Variants in PCDHA3 observed in about 807,000 individuals in gnomAD.
The protein encoded by PCDHA3 is protocadherin alpha 3.
A neutral mutation model predicts 62.2 loss-of-function variants in PCDHA3; 41 were observed. That is an observed-to-expected ratio of 0.66 (90% CI 0.51 to 0.86). The LOEUF (loss-of-function observed/expected upper bound fraction) is 0.86. Among genes scored for constraint, PCDHA3 ranks in the 40% least tolerant of loss-of-function variants. PCDHA3 has a pLI of 0.00. For missense variants in PCDHA3, 1,304 were observed against 1,241.2 expected (o/e 1.05, Z -0.76); for synonymous variants, 640 against 555.4 (o/e 1.15, Z -2.14).
chr5:140,982,648 G>T, intron 3 of PCDHA3, 85 bp downstream of exon 3: 5 of 1,508,154 alleles, frequency 3.3e-6, no homozygotes, highest in Non-Finnish European at 4.4e-6. Flanking sequence ...GAATGTTGAT[G>T]GCTCTTTTTC....
Position 141,010,120 on chromosome 5 carries a change from C to T in PCDHA3, c.*183C>T, listed in dbSNP as rs1554262685. 6.2e-7 allele frequency: 1 copy of T among 1,607,404 alleles called. No homozygotes were observed. Among genetic ancestry groups the T allele is most frequent in the Admixed American group, 1.7e-5 (1 of 58,482 alleles). ...AACAGGTTTTGTCGTAAAAGCTTTACTAAGTCTGGTGTTAACTCTTTCTCT... is the reference window on the plus strand; with the variant it reads ...AACAGGTTTTGTCGTAAAAGCTTTATTAAGTCTGGTGTTAACTCTTTCTCT... On this transcript the variant is annotated 3_prime_UTR_variant, in exon 4 of 4. Coordinates refer to ENST00000522353, the MANE Select transcript of PCDHA3 (RefSeq NM_018906.3).
chr5:140,830,266 G>T (rs2150183759), intron 1 of PCDHA3: 8 of 1,613,648 alleles, frequency 5.0e-6, no homozygotes, highest in Non-Finnish European at 6.8e-6. Context: ...GGTGCTCGGC[G>T]CCACCCACCG....
intron 1 of PCDHA3, among the ~76,000 whole-genome samples, chr5:140,912,788 A>G (rs1467959281): frequency 6.6e-6 from 1 of 152,104 alleles, no homozygotes; most frequent in East Asian, 1.9e-4. Context: ...CTTCTATGCC[A>G]ATTTTCTTGA....
At chr5:140,966,972 T>G (rs1554229007) in intron 1 of PCDHA3, 1 of 1,602,828 alleles carries the variant, frequency 6.2e-7, no homozygotes, top group African/African-American at 1.3e-5. Flanking sequence ...GGGCTTGAGC[T>G]GCGGCGCTTG....
chr5:140,855,223 T>G lies in PCDHA3; in HGVS notation c.2394+51632T>G, dbSNP rs79371036. 4.7e-3 allele frequency among the ~76,000 whole-genome samples: 698 copies of G among 149,962 alleles called. 54 individuals are homozygous for G. Among genetic ancestry groups the G allele is most frequent in the Non-Finnish European group, 8.3e-3 (557 of 67,056 alleles). ...ATAGTTTCCATTTATGAAGCACTCATTCTCCTTAAGGTACTATTGCAAGCA... is the reference window on the plus strand; with the variant it reads ...ATAGTTTCCATTTATGAAGCACTCAGTCTCCTTAAGGTACTATTGCAAGCA... On this transcript the variant is annotated intron_variant, in intron 1 of 3. Coordinates refer to ENST00000522353, the MANE Select transcript of PCDHA3 (RefSeq NM_018906.3).
chr5:140,899,606 A>G (rs1330407383), intron 1 of PCDHA3, among the ~76,000 whole-genome samples: 1 of 152,168 alleles, frequency 6.6e-6, no homozygotes, highest in Non-Finnish European at 1.5e-5. Flanking sequence ...GGACTTTTGC[A>G]TCAATGTTCA....
intron 1 of PCDHA3, among the ~76,000 whole-genome samples, chr5:140,952,315 G>T (rs2094717881): frequency 6.8e-6 from 1 of 147,138 alleles, no homozygotes; most frequent in Non-Finnish European, 1.5e-5. Context: ...TCCAGCCTGG[G>T]CAACAAGAGT....
intron 1 of PCDHA3, chr5:140,834,482 C>T (rs2150219346): frequency 5.0e-6 from 8 of 1,614,172 alleles, no homozygotes; most frequent in South Asian, 1.1e-5. Context: ...AGCTCCACTA[C>T]TCGGTCCCCG....
At chr5:140,859,201 G>A (rs1356259348) in intron 1 of PCDHA3, 1 of 149,574 alleles carries the variant, frequency 6.7e-6, no homozygotes. Flanking sequence ...ATGATATTCA[G>A]GTATTAGCTC....
intron 1 of PCDHA3, chr5:140,858,461 C>G: frequency 1.3e-6 from 2 of 1,524,640 alleles, no homozygotes; most frequent in Non-Finnish European, 1.8e-6. Flanking sequence ...TTTCATTTTC[C>G]TTTTGTGCTT....
intron 1 of PCDHA3, among the ~76,000 whole-genome samples, chr5:140,960,366 ACT>A (rs2095543381): frequency 6.6e-6 from 1 of 152,188 alleles, no homozygotes; most frequent in Non-Finnish European, 1.5e-5. Flanking sequence ...TAATATGCCA[ACT>A]CTTAAGTGCC....
chr5:140,828,871 A>G, intron 1 of PCDHA3: 1 of 1,614,250 alleles, frequency 6.2e-7, no homozygotes. Flanking sequence ...ACGGAACAAC[A>G]GTTATCAGAC....
chr5:140,882,651 A>T, intron 1 of PCDHA3: 1 of 1,614,206 alleles, frequency 6.2e-7, no homozygotes, highest in Non-Finnish European at 8.5e-7. Context: ...GACATTAACG[A>T]CAACCCGCCC....
intron 1 of PCDHA3, among the ~76,000 whole-genome samples, chr5:140,908,920 C>A (rs782461394): frequency 6.6e-5 from 10 of 152,180 alleles, no homozygotes; most frequent in Admixed American, 1.3e-4. Flanking sequence ...GTAGGAGGGG[C>A]CAAATGCAGC....
intron 2 of PCDHA3, among the ~76,000 whole-genome samples, chr5:140,981,442 C>T (rs1379745081): frequency 6.6e-6 from 1 of 151,988 alleles, no homozygotes; most frequent in Non-Finnish European, 1.5e-5. Flanking sequence ...GGCATGGTGG[C>T]GGGTGCCTGT....
rs782634199 is a variant in PCDHA3 at position 140,882,705 on chromosome 5, G to A, written c.2394+79114G>A. The A allele has an allele frequency of 3.7e-6, 6 of 1,614,172 alleles. No individual in the cohort carries two copies. The South Asian group carries it at 6.6e-5, about 18-fold the overall frequency. On this transcript the variant is annotated intron_variant, in intron 1 of 3. Transcript: ENST00000522353. ...AAACGAATAATCATTGCAGAATCTA[G>A]ACCTCCGGAAACTCGATTTCCACTA...
Position 140,936,624 on chromosome 5 carries a change from C to T in PCDHA3, c.2395-42325C>T, listed in dbSNP as rs186958884. On this transcript the variant is annotated intron_variant, in intron 1 of 3. Coordinates refer to ENST00000522353, the MANE Select transcript of PCDHA3 (RefSeq NM_018906.3). Reference sequence around the variant, plus strand: ...TCCTCGCTGCTACTGTGCAGTGCTACCTTTGTCATAAGCAACGTGACTTTA... The same window carrying T: ...TCCTCGCTGCTACTGTGCAGTGCTATCTTTGTCATAAGCAACGTGACTTTA... 2.3e-3 allele frequency among the ~76,000 whole-genome samples: 345 copies of T among 152,302 alleles called. 2 individuals are homozygous for T. Among genetic ancestry groups the T allele is most frequent in the South Asian group, 2.5e-3 (12 of 4,824 alleles).
intron 1 of PCDHA3, chr5:140,815,742 T>A (rs1251278764): frequency 6.6e-6 from 1 of 152,198 alleles, no homozygotes; most frequent in Non-Finnish European, 1.5e-5. Context: ...AAAGGCCCCC[T>A]CTTAACATTT....
chr5:140,803,390 C>T lies in PCDHA3; in HGVS notation c.2193C>T (p.Asp731=), dbSNP rs369650998. Residue 731 remains aspartate, a synonymous_variant, in exon 1 of 4, where the codon GAC becomes GAT. Transcript: ENST00000522353. ...GCTCCGCGCCGCCAACCGAAGGCGA[C>T]TGTGGGCCGGGCAAGCCCACGCTGG... is the stretch of plus-strand genomic sequence containing the variant. ...LRCSAPPTEG[D]CGPGKPTLVC... 1.2e-6 allele frequency: 2 copies of T among 1,614,130 alleles called. No homozygotes were observed. The highest frequency in any genetic ancestry group is 1.7e-5 in the Admixed American group (1 of 60,018).
Sources: allele counts gnomAD v4.1 joint callset (sites outside exome capture counted in the v4.1 genomes callset), GRCh38; gene constraint gnomAD v4.1.1; transcripts MANE v1.5; gene names NCBI Gene and HGNC (gene_info 2026-07-23, HGNC 2026-07-21).